The following GRM8 variants were observed in gnomAD, a reference collection of about 807,000 sequenced individuals.
The protein encoded by GRM8 is glutamate metabotropic receptor 8, also known as metabotropic glutamate receptor 8.
Under a neutral mutation model 87.2 loss-of-function variants are expected in GRM8, and 47 were observed. The observed-to-expected ratio is 0.54, with a 90% CI of 0.43 to 0.69. The LOEUF (loss-of-function observed/expected upper bound fraction) is 0.69, where lower values mean the gene tolerates loss of function less well. Among genes scored for constraint, GRM8 ranks in the 30% least tolerant of loss-of-function variants. The pLI, the probability that GRM8 is intolerant of heterozygous loss-of-function variation, is 0.00. For synonymous variants in GRM8, 396 were observed against 404.5 expected, an observed-to-expected ratio of 0.98 and a Z score of 0.25; for missense variants, 1,019 against 1,139.2, an observed-to-expected ratio of 0.89 and a Z score of 1.52.
chr7:127,243,277 G>C lies in GRM8; in HGVS notation c.-73C>G. 2.9e-6 allele frequency: 4 copies of C among 1,365,792 alleles called. No homozygotes were observed. Among genetic ancestry groups the C allele is most frequent in the Non-Finnish European group, 4.0e-6 (4 of 1,000,664 alleles). The allele number at this position is 1,365,792 out of a possible 1,614,324, so 84.6% of individuals were successfully genotyped here. A position where few individuals can be genotyped will look rare whatever the true frequency, so the allele number is the denominator to read the frequency against. On this transcript the variant is annotated 5_prime_UTR_variant, in exon 2 of 11. Transcript: ENST00000339582. Reference sequence around the variant, plus strand: ...CCACAGAAGAAAGGGCACCACCTGAGGCTGCACCTTCTGGAGGCTACCATC... The same window carrying C: ...CCACAGAAGAAAGGGCACCACCTGACGCTGCACCTTCTGGAGGCTACCATC...
chr7:126,632,437 ATGTAAATT>A (rs1801423266), intron 7 of GRM8, among the ~76,000 whole-genome samples: 1 of 152,160 alleles, frequency 6.6e-6, no homozygotes. Flanking sequence ...GTTGGTGGGA[ATGTAAATT>A]AATTTACCCA....
intron 8 of GRM8, among the ~76,000 whole-genome samples, chr7:126,561,905 G>A (rs1946111): frequency 0.31 from 46,577 of 150,712 alleles, 8,027 homozygotes; most frequent in East Asian, 0.44. Flanking sequence ...GCGATAGTTC[G>A]CTGAGAATGA....
chr7:126,499,934 T>A (rs2150689579), intron 9 of GRM8, among the ~76,000 whole-genome samples: 1 of 151,958 alleles, frequency 6.6e-6, no homozygotes, highest in East Asian at 1.9e-4. Flanking sequence ...TAATTAAAAA[T>A]AAAACTAAAA....
intron 9 of GRM8, among the ~76,000 whole-genome samples, chr7:126,488,127 T>G (rs577858447): frequency 6.6e-6 from 1 of 152,012 alleles, no homozygotes; most frequent in Admixed American, 6.6e-5. Flanking sequence ...TTAATAAACT[T>G]CATAATTTTC....
chr7:126,584,166 G>A (rs528157797), intron 8 of GRM8, among the ~76,000 whole-genome samples: 1 of 152,214 alleles, frequency 6.6e-6, no homozygotes, highest in African/African-American at 2.4e-5. Context: ...ATTAAGATAC[G>A]TGTTTTTTTA....
chr7:126,946,006 CAATT>C (rs1295041175), intron 3 of GRM8, among the ~76,000 whole-genome samples: 12 of 152,180 alleles, frequency 7.9e-5, no homozygotes, highest in African/African-American at 2.9e-4. Flanking sequence ...AGTGAAGCCT[CAATT>C]AATGTCCTTC....
intron 3 of GRM8, among the ~76,000 whole-genome samples, chr7:126,985,615 G>T (rs1174624996): frequency 6.6e-6 from 1 of 152,166 alleles, no homozygotes; most frequent in Non-Finnish European, 1.5e-5. Flanking sequence ...TCTGGTGAGA[G>T]CCATCTTGCT....
intron 3 of GRM8, among the ~76,000 whole-genome samples, chr7:126,951,798 G>A (rs1271878308): frequency 6.6e-6 from 1 of 151,910 alleles, no homozygotes; most frequent in Non-Finnish European, 1.5e-5. Context: ...AGTGAACCCT[G>A]AGTTTACAGT....
chr7:126,830,334 G>A (rs1444489643), intron 6 of GRM8, among the ~76,000 whole-genome samples: 3 of 152,310 alleles, frequency 2.0e-5, no homozygotes, highest in Non-Finnish European at 4.4e-5. Context: ...TCACTTTCAG[G>A]TCCACCAATC....
chr7:126,594,584 G>T (rs1207750700), intron 8 of GRM8, among the ~76,000 whole-genome samples: 2 of 152,136 alleles, frequency 1.3e-5, no homozygotes, highest in African/African-American at 4.8e-5. Context: ...ATTGAAGGAT[G>T]GCAGAATTTG....
intron 2 of GRM8, among the ~76,000 whole-genome samples, chr7:127,198,252 G>A (rs1055206698): frequency 1.3e-5 from 2 of 152,044 alleles, no homozygotes; most frequent in Non-Finnish European, 1.5e-5. Flanking sequence ...TTACATTATT[G>A]TAAACTAATT....
intron 3 of GRM8, among the ~76,000 whole-genome samples, chr7:126,966,467 A>C (rs900873120): frequency 2.0e-5 from 3 of 152,018 alleles, no homozygotes; most frequent in African/African-American, 4.8e-5. Context: ...CAATTATTTC[A>C]CCTTAAAAGG....
intron 9 of GRM8, among the ~76,000 whole-genome samples, chr7:126,491,647 A>G (rs188810417): frequency 6.6e-6 from 1 of 152,188 alleles, no homozygotes; most frequent in East Asian, 1.9e-4. Flanking sequence ...CTTTTCTTAT[A>G]GCTTCTGTGA....
chr7:127,233,426 AATAAT>A lies in GRM8; in HGVS notation c.510+9264_510+9268del, dbSNP rs1290642585. Among the ~76,000 whole-genome samples, 4 of 152,336 alleles carry A rather than the reference AATAAT, an allele frequency of 2.6e-5. No individual in the cohort carries two copies. The East Asian group carries it at 7.7e-4, about 29-fold the overall frequency. ...AGTATGACATGGTATTTGTTCTAGAAATAATATAAGTTCAAACACTCTGAGATGAG... is the reference window on the plus strand; with the variant it reads ...AGTATGACATGGTATTTGTTCTAGAAATAAGTTCAAACACTCTGAGATGAG... On this transcript the variant is annotated intron_variant, in intron 2 of 10. Coordinates refer to ENST00000339582, the MANE Select transcript of GRM8 (RefSeq NM_000845.3).
intron 2 of GRM8, among the ~76,000 whole-genome samples, chr7:127,168,785 C>T (rs992242367): frequency 6.6e-6 from 1 of 151,246 alleles, no homozygotes; most frequent in East Asian, 2.0e-4. Context: ...TGTTCTCACA[C>T]ATAAGTGGGA....
rs577185274 is a variant in GRM8 at position 126,953,191 on chromosome 7, TG to T, written c.728-48509del. ...TCTCCTTTGAAGAGAAAGACCAGGT[TG>T]GGGGAGAAAAAAACCACTGATGTGA... is the stretch of plus-strand genomic sequence containing the variant. On this transcript the variant is annotated intron_variant, in intron 3 of 10. Coordinates refer to ENST00000339582, the MANE Select transcript of GRM8 (RefSeq NM_000845.3). 8.9e-4 allele frequency among the ~76,000 whole-genome samples: 135 copies of T among 152,134 alleles called. 2 individuals are homozygous for T. The highest frequency in any genetic ancestry group is 3.1e-3 in the African/African-American group (127 of 41,534).
chr7:126,619,464 G>T (rs915817030), intron 7 of GRM8, among the ~76,000 whole-genome samples: 5 of 151,700 alleles, frequency 3.3e-5, no homozygotes, highest in Non-Finnish European at 7.4e-5. Context: ...GTATACACAT[G>T]TAACAAACCT....
intron 6 of GRM8, among the ~76,000 whole-genome samples, chr7:126,898,585 C>A (rs2131163838): frequency 1.3e-5 from 2 of 152,206 alleles, no homozygotes; most frequent in Middle Eastern, 6.8e-3. Context: ...TCTAATTGGA[C>A]AAATTGTTAT....
chr7:127,042,091 C>G (rs1818480975), intron 3 of GRM8, among the ~76,000 whole-genome samples: 1 of 152,184 alleles, frequency 6.6e-6, no homozygotes, highest in Non-Finnish European at 1.5e-5. Flanking sequence ...ACTTTTACAT[C>G]TTTCTGAGAA....
Sources: gnomAD v4.1 joint callset for allele counts (sites outside exome capture counted in the v4.1 genomes callset) on GRCh38, gnomAD v4.1.1 for gene constraint, MANE v1.5 for transcripts, NCBI Gene and HGNC (gene_info 2026-07-23, HGNC 2026-07-21) for gene names.